ITGBL1: variants seen among roughly 807,000 people sequenced by gnomAD.
ITGBL1 encodes integrin subunit beta like 1, also known as integrin beta-like protein 1.
Under a neutral mutation model 68.5 loss-of-function variants are expected in ITGBL1, and 51 were observed. The observed-to-expected ratio is 0.74, with a 90% CI of 0.59 to 0.94. The LOEUF (loss-of-function observed/expected upper bound fraction) is 0.94, where lower values mean the gene tolerates loss of function less well. Among genes scored for constraint, ITGBL1 ranks in the 40% least tolerant of loss-of-function variants. ITGBL1 has a pLI of 0.00. For missense variants in ITGBL1, 649 were observed against 647.4 expected, an observed-to-expected ratio of 1.00 and a Z score of -0.03; for synonymous variants, 209 against 227.3, an observed-to-expected ratio of 0.92 and a Z score of 0.72.
In ITGBL1 at chr13:101,522,964, C is replaced by T. The variant is rs112893599; in HGVS notation, c.317-44735C>T. 5.1e-3 allele frequency among the ~76,000 whole-genome samples: 780 copies of T among 152,308 alleles called. 5 individuals carry two copies. The highest frequency in any genetic ancestry group is 0.018 in the African/African-American group (740 of 41,564). ...GGCAAAATAATGCCAAATGGACAGA[C>T]ATCTCAAAATGCATTCCTCTCTCGT... On this transcript the variant is annotated intron_variant, in intron 2 of 10. Coordinates refer to ENST00000376180, the MANE Select transcript of ITGBL1 (RefSeq NM_004791.3).
chr13:101,473,428 T>A (rs2048490786), intron 2 of ITGBL1, among the ~76,000 whole-genome samples: 1 of 152,162 alleles, frequency 6.6e-6, no homozygotes, highest in Non-Finnish European at 1.5e-5. Context: ...AGGGGCAGGA[T>A]TCAGCTGATG....
intron 2 of ITGBL1, among the ~76,000 whole-genome samples, chr13:101,463,122 C>T (rs1031325974): frequency 5.3e-5 from 8 of 152,162 alleles, no homozygotes; most frequent in Non-Finnish European, 1.0e-4. Flanking sequence ...TAATAAATCA[C>T]TGGAGTTATT....
chr13:101,511,178 A>C (rs1203563514), intron 2 of ITGBL1, among the ~76,000 whole-genome samples: 1 of 152,062 alleles, frequency 6.6e-6, no homozygotes, highest in South Asian at 2.1e-4. Context: ...TCTTAGAATA[A>C]TCATTCTCTT....
chr13:101,585,364 A>T (rs1185443541), intron 6 of ITGBL1, among the ~76,000 whole-genome samples: 1 of 152,168 alleles, frequency 6.6e-6, no homozygotes, highest in African/African-American at 2.4e-5. Flanking sequence ...AAACCAAGAG[A>T]ATTTCAAGTT....
Position 101,604,113 on chromosome 13 carries a change from TAAG to T in ITGBL1, c.1015+5817_1015+5819del, listed in dbSNP as rs373553173. On this transcript the variant is annotated intron_variant, in intron 7 of 10. Transcript: ENST00000376180. ...AATGTCAAACCATATAATAGAAAGA[TAAG>T]AAAAGCATACAAAATAGCTCTCAAA... is the stretch of plus-strand genomic sequence containing the variant. Among the ~76,000 whole-genome samples the T allele has an allele frequency of 3.5e-3, 533 of 151,988 alleles. 4 individuals carry two copies. Among genetic ancestry groups the T allele is most frequent in the African/African-American group, 0.012 (501 of 41,546 alleles).
chr13:101,645,586 A>T (rs2032532337), intron 7 of ITGBL1, among the ~76,000 whole-genome samples: 1 of 152,154 alleles, frequency 6.6e-6, no homozygotes, highest in Non-Finnish European at 1.5e-5. Context: ...ATTCGGGGAA[A>T]TTAAGTATAA....
At chr13:101,595,963 TAAAGA>T (rs1376436658) in intron 6 of ITGBL1, among the ~76,000 whole-genome samples, 4 of 151,998 alleles carry the variant, frequency 2.6e-5, no homozygotes, top group Non-Finnish European at 5.9e-5. Flanking sequence ...GATGAATGGG[TAAAGA>T]AAATGTGAGA....
intron 7 of ITGBL1, among the ~76,000 whole-genome samples, chr13:101,666,356 G>A (rs192458012): frequency 1.7e-4 from 26 of 152,178 alleles, no homozygotes; most frequent in Admixed American, 9.8e-4. Context: ...ACTTGGGACC[G>A]CACTGGTTTA....
At chr13:101,688,061 T>C (rs549913544) in intron 7 of ITGBL1, among the ~76,000 whole-genome samples, 1 of 152,002 alleles carries the variant, frequency 6.6e-6, no homozygotes, top group Non-Finnish European at 1.5e-5. Flanking sequence ...ATAATAATAA[T>C]ATTATTTAGT....
intron 9 of ITGBL1, among the ~76,000 whole-genome samples, chr13:101,708,756 C>T (rs2034319099): frequency 6.6e-6 from 1 of 152,192 alleles, no homozygotes. Context: ...TGACAGTGTC[C>T]TTGGTTTCCA....
At chr13:101,507,110 T>A (rs1421938900) in intron 2 of ITGBL1, among the ~76,000 whole-genome samples, 4 of 152,156 alleles carry the variant, frequency 2.6e-5, no homozygotes, top group Non-Finnish European at 4.4e-5. Flanking sequence ...CCCAGTAAAG[T>A]CTTCCCACAT....
At chr13:101,647,274 G>A (rs1000395271) in intron 7 of ITGBL1, among the ~76,000 whole-genome samples, 1 of 152,092 alleles carries the variant, frequency 6.6e-6, no homozygotes, top group Admixed American at 6.5e-5. Context: ...AATAGAAATA[G>A]TTATCCAAAT....
intron 2 of ITGBL1, among the ~76,000 whole-genome samples, chr13:101,547,571 T>TG (rs2049847918): frequency 6.6e-6 from 1 of 151,514 alleles, no homozygotes; most frequent in Non-Finnish European, 1.5e-5. Flanking sequence ...GGAAGGGTAG[T>TG]GGGGAGGGAA....
chr13:101,609,918 G>A (rs964890365), intron 7 of ITGBL1, among the ~76,000 whole-genome samples: 18 of 152,022 alleles, frequency 1.2e-4, no homozygotes, highest in Non-Finnish European at 1.9e-4. Context: ...AAATAGACAA[G>A]TTTCATTACA....
intron 2 of ITGBL1, among the ~76,000 whole-genome samples, chr13:101,471,901 G>A (rs1441771400): frequency 6.6e-6 from 1 of 152,022 alleles, no homozygotes; most frequent in African/African-American, 2.4e-5. Context: ...ATTTAGAAGG[G>A]ATATTCAAAT....
chr13:101,621,532 A>C (rs560354888), intron 7 of ITGBL1, among the ~76,000 whole-genome samples: 86 of 152,218 alleles, frequency 5.6e-4, no homozygotes, highest in African/African-American at 2.0e-3. Flanking sequence ...TAAAGAAACT[A>C]ACCCACCCAG....
intron 2 of ITGBL1, among the ~76,000 whole-genome samples, chr13:101,487,308 C>T (rs1269362839): frequency 6.6e-6 from 1 of 152,122 alleles, no homozygotes; most frequent in African/African-American, 2.4e-5. Context: ...TGATAACAGC[C>T]TGTCCTTATC....
chr13:101,649,063 TTTATTC>T (rs1490621115), intron 7 of ITGBL1, among the ~76,000 whole-genome samples: 9 of 152,196 alleles, frequency 5.9e-5, no homozygotes, highest in African/African-American at 1.9e-4. Context: ...TTAACACACT[TTTATTC>T]TTAATAAAGA....
intron 6 of ITGBL1, among the ~76,000 whole-genome samples, chr13:101,593,073 C>A (rs1439986350): frequency 1.3e-5 from 2 of 151,558 alleles, no homozygotes; most frequent in East Asian, 1.9e-4. Flanking sequence ...AGAAAACAAC[C>A]CAAGTAAAAA....
Sources: gnomAD v4.1 joint callset for allele counts (sites outside exome capture counted in the v4.1 genomes callset) on GRCh38, gnomAD v4.1.1 for gene constraint, MANE v1.5 for transcripts, NCBI Gene and HGNC (gene_info 2026-07-23, HGNC 2026-07-21) for gene names.